Variants in BCAR3 observed in about 807,000 individuals in gnomAD.
BCAR3 encodes BCAR3 adaptor protein, NSP family member.
Under a neutral mutation model 80.1 loss-of-function variants are expected in BCAR3, and 37 were observed. The ratio of observed to expected loss-of-function variants is 0.46; its 90% CI spans 0.36 to 0.61. The LOEUF is 0.61. BCAR3 is among the 20% of genes least tolerant of loss of function. BCAR3 has a pLI of 0.00. For synonymous variants in BCAR3, 389 were observed against 418.9 expected, an observed-to-expected ratio of 0.93 and a Z score of 0.87; for missense variants, 978 against 1,068.2, an observed-to-expected ratio of 0.92 and a Z score of 1.18.
intron 2 of BCAR3, among the ~76,000 whole-genome samples, chr1:93,642,953 T>A (rs1024904458): frequency 6.6e-6 from 1 of 151,720 alleles, no homozygotes; most frequent in African/African-American, 2.4e-5. Flanking sequence ...ATGGGCCAGG[T>A]GTGGTGGCTC....
intron 2 of BCAR3, among the ~76,000 whole-genome samples, chr1:93,809,867 G>C (rs928359510): frequency 2.7e-5 from 4 of 150,182 alleles, no homozygotes; most frequent in Admixed American, 6.6e-5. Flanking sequence ...CAGTTTATAA[G>C]ACGGTGTAAA....
chr1:93,617,198 A>C (rs1310036328), intron 3 of BCAR3, among the ~76,000 whole-genome samples: 3 of 152,190 alleles, frequency 2.0e-5, no homozygotes, highest in African/African-American at 4.8e-5. Context: ...AAGGGCCAAG[A>C]GAGTGAGTGC....
At chr1:93,678,929 G>A (rs979159686) in intron 1 of BCAR3, among the ~76,000 whole-genome samples, 11 of 152,144 alleles carry the variant, frequency 7.2e-5, no homozygotes, top group African/African-American at 2.7e-4. Flanking sequence ...TGGCTCCCAT[G>A]TTTTCTCCAC....
At chr1:93,638,384 T>C (rs1004225117) in intron 3 of BCAR3, among the ~76,000 whole-genome samples, 1 of 152,184 alleles carries the variant, frequency 6.6e-6, no homozygotes, top group Admixed American at 6.5e-5. Context: ...ATTTTAGCAC[T>C]ACTATTTTAT....
intron 3 of BCAR3, among the ~76,000 whole-genome samples, chr1:93,606,431 A>G (rs1417529160): frequency 6.6e-6 from 1 of 152,198 alleles, no homozygotes; most frequent in African/African-American, 2.4e-5. Context: ...TGGTGTTTAG[A>G]AGGTAATATC....
Position 93,592,047 on chromosome 1 carries a change from C to T in BCAR3, c.486+218G>A, listed in dbSNP as rs1271724038. Among the ~76,000 whole-genome samples, 1 of 152,264 alleles carries T rather than the reference C, an allele frequency of 6.6e-6. No individual in the cohort carries two copies. The highest frequency in any genetic ancestry group is 1.9e-4 in the East Asian group (1 of 5,206). On this transcript the variant is annotated intron_variant, in intron 4 of 11. Transcript: ENST00000260502. This position sits in a 1 kb window ranked among gnomAD's most constrained non-coding sequence, Gnocchi z 4.8. ...CCCAGGAGCGCTGGCTGTCCCTTCA[C>T]TTCCTGAACATGTGGATGTGTGCTT...
At chr1:93,682,406 A>G (rs1445653268), upstream of BCAR3, among the ~76,000 whole-genome samples, 1 of 152,218 alleles carries the variant, frequency 6.6e-6, no homozygotes, top group Non-Finnish European at 1.5e-5. Context: ...AAACTGACCA[A>G]TGGAATAAAG....
intron 2 of BCAR3, among the ~76,000 whole-genome samples, chr1:93,832,880 T>C (rs946992269): frequency 6.6e-6 from 1 of 152,150 alleles, no homozygotes; most frequent in Non-Finnish European, 1.5e-5. Context: ...CACACCTCAC[T>C]GCCACCTTTT....
At chr1:93,729,954 G>C (rs916114085) in intron 2 of BCAR3, among the ~76,000 whole-genome samples, 5 of 152,168 alleles carry the variant, frequency 3.3e-5, no homozygotes, top group African/African-American at 9.7e-5. Context: ...TATAAATTTA[G>C]CAGAATATTA....
rs571040953 is a variant in BCAR3, at chr1:93,578,458, T to C, written c.1687-2329A>G. Among the ~76,000 whole-genome samples the C allele has an allele frequency of 2.6e-5, 4 of 151,746 alleles. No individual in the cohort carries two copies. In the East Asian group the frequency reaches 7.8e-4, roughly 30 times the overall value. ...CCCATCTTCTTCCACCCACACAGAA[T>C]GAATCTGCTGTAAACCAACCCCTCT... On this transcript the variant is annotated intron_variant, in intron 7 of 11. Transcript: ENST00000260502.
intron 3 of BCAR3, among the ~76,000 whole-genome samples, chr1:93,614,724 C>G (rs1436670811): frequency 2.0e-5 from 3 of 152,188 alleles, no homozygotes; most frequent in African/African-American, 7.2e-5. Flanking sequence ...GGCTGTGCAA[C>G]CTGTTGGGAG....
chr1:93,738,654 C>A (rs904683557), intron 2 of BCAR3, among the ~76,000 whole-genome samples: 11 of 152,148 alleles, frequency 7.2e-5, no homozygotes, highest in African/African-American at 2.4e-4. Flanking sequence ...GGCAGATCAG[C>A]AGCTAAGTCC....
At chr1:93,704,240 C>T (rs1340352246) in intron 3 of BCAR3, among the ~76,000 whole-genome samples, 2 of 150,148 alleles carry the variant, frequency 1.3e-5, no homozygotes, top group Admixed American at 6.6e-5. Context: ...CAGACAGTTT[C>T]ACTCACTCTA....
chr1:93,729,778 A>C (rs1313971652), intron 2 of BCAR3, among the ~76,000 whole-genome samples: 3 of 152,122 alleles, frequency 2.0e-5, no homozygotes, highest in Non-Finnish European at 4.4e-5. Context: ...AGTGGGCACC[A>C]CTCCAGCATC....
chr1:93,642,041 T>C (rs1377181313), intron 3 of BCAR3, among the ~76,000 whole-genome samples: 2 of 152,168 alleles, frequency 1.3e-5, no homozygotes, highest in Non-Finnish European at 2.9e-5. Context: ...CATATTACCT[T>C]TCTGGAAAAC....
At chr1:93,698,142 G>A (rs966280087) in intron 3 of BCAR3, among the ~76,000 whole-genome samples, 1 of 152,224 alleles carries the variant, frequency 6.6e-6, no homozygotes, top group Admixed American at 6.5e-5. Context: ...GAAGCAGGAT[G>A]GCCAGTCCTG....
At chr1:93,739,770 C>T (rs372309907) in intron 2 of BCAR3, among the ~76,000 whole-genome samples, 11 of 152,318 alleles carry the variant, frequency 7.2e-5, no homozygotes, top group Admixed American at 2.6e-4. Flanking sequence ...TGCAGTGGCT[C>T]ATGCCTGTAA....
intron 3 of BCAR3, among the ~76,000 whole-genome samples, chr1:93,632,310 G>A (rs1675647835): frequency 1.3e-5 from 2 of 152,184 alleles, no homozygotes; most frequent in African/African-American, 4.8e-5. Flanking sequence ...AGGCTTTTGA[G>A]GCCATAGTGT....
At chr1:93,716,820 A>G (rs995908975) in intron 2 of BCAR3, among the ~76,000 whole-genome samples, 4 of 152,218 alleles carry the variant, frequency 2.6e-5, no homozygotes, top group African/African-American at 9.7e-5. Flanking sequence ...ACTGGAGGGC[A>G]TCCACTCTGA....
Sources: gnomAD v4.1 joint callset for allele counts (sites outside exome capture counted in the v4.1 genomes callset) on GRCh38, gnomAD v4.1.1 for gene constraint, Gnocchi (gnomAD v3.1) non-coding constraint, MANE v1.5 for transcripts, NCBI Gene and HGNC (gene_info 2026-07-23, HGNC 2026-07-21) for gene names.